KHDRBS2: variants seen among roughly 807,000 people sequenced by gnomAD.
KHDRBS2 encodes KH domain-containing, RNA-binding, signal transduction-associated protein 2.
In KHDRBS2, 26 loss-of-function variants were observed where a neutral mutation model predicts 44.3. That is an observed-to-expected ratio of 0.59 (90% confidence interval 0.43 to 0.81). The LOEUF (loss-of-function observed/expected upper bound fraction) is 0.81, where lower values mean the gene tolerates loss of function less well. Among genes scored for constraint, KHDRBS2 ranks in the 40% least tolerant of loss-of-function variants. The probability of loss-of-function intolerance (pLI) is 0.00; values close to 1 mark genes in which losing one functional copy is unlikely to be tolerated. For synonymous variants in KHDRBS2, 194 were observed against 151.1 expected (o/e 1.28, Z -2.08); for missense variants, 476 against 433.1 (o/e 1.10, Z -0.88).
the KHDRBS2 span, among the ~76,000 whole-genome samples, chr6:61,659,631 G>A: frequency 6.6e-6 from 1 of 151,646 alleles, no homozygotes; most frequent in Non-Finnish European, 1.5e-5. Context: ...TCACTTCGGT[G>A]TTCTTTTCTT....
chr6:62,282,311 A>C (rs190150537), intron 1 of KHDRBS2, among the ~76,000 whole-genome samples: 1 of 152,316 alleles, frequency 6.6e-6, no homozygotes, highest in East Asian at 1.9e-4. Context: ...TTTTTACTAA[A>C]GTTTGAAAAT....
chr6:61,974,581 T>G (rs985267838), intron 4 of KHDRBS2, among the ~76,000 whole-genome samples: 10 of 151,936 alleles, frequency 6.6e-5, no homozygotes, highest in African/African-American at 2.4e-4. Context: ...GATTTAAAAT[T>G]AGCCATGTTC....
chr6:61,884,399 T>C (rs1800625495), intron 6 of KHDRBS2, among the ~76,000 whole-genome samples: 1 of 152,160 alleles, frequency 6.6e-6, no homozygotes, highest in Non-Finnish European at 1.5e-5. Flanking sequence ...TGTGTCCCGA[T>C]ACACCTCCTT....
At chr6:61,903,326 A>G (rs1804402456) in intron 4 of KHDRBS2, among the ~76,000 whole-genome samples, 1 of 152,068 alleles carries the variant, frequency 6.6e-6, no homozygotes, top group Non-Finnish European at 1.5e-5. Flanking sequence ...TATGAGTTGT[A>G]GGAAGAGATG....
intron 7 of KHDRBS2, among the ~76,000 whole-genome samples, chr6:61,716,410 A>T (rs1771436504): frequency 6.6e-6 from 1 of 152,028 alleles, no homozygotes. Flanking sequence ...CTCCAGATGT[A>T]TAAAAAAATT....
At chr6:61,580,148 C>T in the KHDRBS2 span, among the ~76,000 whole-genome samples, 1 of 152,136 alleles carries the variant, frequency 6.6e-6, no homozygotes, top group East Asian at 1.9e-4. Context: ...CTTTTCTTAG[C>T]TATGATTGAA....
At chr6:61,885,919 CT>C (rs1454987775) in intron 6 of KHDRBS2, among the ~76,000 whole-genome samples, 1 of 152,064 alleles carries the variant, frequency 6.6e-6, no homozygotes, top group African/African-American at 2.4e-5. Flanking sequence ...ACAAACATAA[CT>C]TTGAGTGAGG....
intron 6 of KHDRBS2, among the ~76,000 whole-genome samples, chr6:61,850,814 C>A (rs1795302223): frequency 1.3e-5 from 2 of 151,960 alleles, no homozygotes; most frequent in South Asian, 4.2e-4. Context: ...TGGGGTGGGC[C>A]TAAGAGAACC....
Position 62,106,623 on chromosome 6 carries a change from C to T in KHDRBS2, c.220-58629G>A, listed in dbSNP as rs1432570038. On this transcript the variant is annotated intron_variant, in intron 2 of 8. Coordinates refer to ENST00000281156, the MANE Select transcript of KHDRBS2 (RefSeq NM_152688.4). ...ACTCATTTTATGAGGCCAGCATCAT[C>T]CTGATACCAAAGCCGGGCAGAGACA... Among the ~76,000 whole-genome samples, 13 of 152,204 alleles carry T rather than the reference C, an allele frequency of 8.5e-5. No homozygotes were observed. In the East Asian group the frequency reaches 2.1e-3, roughly 25 times the overall value.
At chr6:62,218,643 T>C (rs1171911411) in intron 1 of KHDRBS2, among the ~76,000 whole-genome samples, 1 of 151,708 alleles carries the variant, frequency 6.6e-6, no homozygotes, top group Non-Finnish European at 1.5e-5. Flanking sequence ...ATTTAATAAA[T>C]AAAAGTAAAA....
chr6:61,649,867 G>T, the KHDRBS2 span, among the ~76,000 whole-genome samples: 1 of 152,120 alleles, frequency 6.6e-6, no homozygotes, highest in African/African-American at 2.4e-5. Flanking sequence ...CCTTTCCATA[G>T]GTTCTTCTTA....
chr6:62,263,891 T>G (rs1838764824), intron 1 of KHDRBS2, among the ~76,000 whole-genome samples: 1 of 151,752 alleles, frequency 6.6e-6, no homozygotes, highest in Non-Finnish European at 1.5e-5. Context: ...TGCTTTAATT[T>G]CAGGGATATC....
At chr6:61,640,362 A>G in the KHDRBS2 span, among the ~76,000 whole-genome samples, 1 of 152,230 alleles carries the variant, frequency 6.6e-6, no homozygotes, top group African/African-American at 2.4e-5. Flanking sequence ...TCAGTCATTC[A>G]TATTGTAGGA....
chr6:62,201,233 A>G (rs540772738), intron 1 of KHDRBS2, among the ~76,000 whole-genome samples: 38 of 151,728 alleles, frequency 2.5e-4, no homozygotes, highest in African/African-American at 9.2e-4. Flanking sequence ...TTCAAGTATT[A>G]TTAAAAAAAA....
intron 6 of KHDRBS2, among the ~76,000 whole-genome samples, chr6:61,756,084 C>A (rs1778439870): frequency 6.6e-6 from 1 of 152,044 alleles, no homozygotes; most frequent in African/African-American, 2.4e-5. Context: ...TAGCATATTA[C>A]AGTGGCTTCT....
the KHDRBS2 span, among the ~76,000 whole-genome samples, chr6:61,574,060 G>A: frequency 6.6e-6 from 1 of 152,070 alleles, no homozygotes; most frequent in Non-Finnish European, 1.5e-5. Flanking sequence ...TCAACAAATG[G>A]TGCTGGGATA....
intron 6 of KHDRBS2, among the ~76,000 whole-genome samples, chr6:61,796,172 T>C (rs1236077012): frequency 6.6e-6 from 1 of 152,092 alleles, no homozygotes; most frequent in Non-Finnish European, 1.5e-5. Context: ...ACTTATTGAT[T>C]GAAATCATCA....
At chr6:61,817,662 T>A (rs904952787) in intron 6 of KHDRBS2, among the ~76,000 whole-genome samples, 5 of 152,130 alleles carry the variant, frequency 3.3e-5, no homozygotes, top group Non-Finnish European at 7.4e-5. Flanking sequence ...TATTTATTAG[T>A]TATTAGCCAT....
intron 2 of KHDRBS2, among the ~76,000 whole-genome samples, chr6:62,084,739 T>TAA (rs1798089454): frequency 6.6e-6 from 1 of 152,204 alleles, no homozygotes; most frequent in Non-Finnish European, 1.5e-5. Flanking sequence ...TGAAGTATTA[T>TAA]GTGGATTTAT....
Sources: gnomAD v4.1 joint callset for allele counts (sites outside exome capture counted in the v4.1 genomes callset) on GRCh38, gnomAD v4.1.1 for gene constraint, MANE v1.5 for transcripts, NCBI Gene and HGNC (gene_info 2026-07-23, HGNC 2026-07-21) for gene names.